KDM4C: variants seen among roughly 807,000 people sequenced by gnomAD.
KDM4C encodes the protein lysine-specific demethylase 4C.
In KDM4C, 81 loss-of-function variants were observed where a neutral mutation model predicts 129.3. The ratio of observed to expected loss-of-function variants is 0.63; its 90% CI spans 0.52 to 0.75. The LOEUF is 0.75. Among genes scored for constraint, KDM4C ranks in the 30% least tolerant of loss-of-function variants. The probability of loss-of-function intolerance (pLI) is 0.00; values close to 1 mark genes in which losing one functional copy is unlikely to be tolerated. For missense variants in KDM4C, 1,457 were observed against 1,304.0 expected (o/e 1.12, Z -1.81); for synonymous variants, 573 against 456.1 (o/e 1.26, Z -3.26).
At chr9:7,142,460 C>A (rs1841843867) in intron 19 of KDM4C, among the ~76,000 whole-genome samples, 2 of 152,144 alleles carry the variant, frequency 1.3e-5, no homozygotes, top group African/African-American at 2.4e-5. Flanking sequence ...CCCCTGGGCT[C>A]CCTCATCATG....
chr9:7,075,388 G>A (rs749440085), intron 17 of KDM4C, among the ~76,000 whole-genome samples: 7 of 152,112 alleles, frequency 4.6e-5, no homozygotes, highest in African/African-American at 7.2e-5. Flanking sequence ...TGGGGGGTGC[G>A]ACCTAGTGGA....
chr9:6,893,372 G>C (rs1167669102), intron 8 of KDM4C, 140 bp downstream of exon 8: 2 of 532,004 alleles, frequency 3.8e-6, no homozygotes, highest in East Asian at 3.3e-5. Context: ...TTCACTTCAG[G>C]CTCGATACAT....
intron 8 of KDM4C, among the ~76,000 whole-genome samples, chr9:6,975,272 C>G (rs1327826075): frequency 6.6e-6 from 1 of 152,178 alleles, no homozygotes; most frequent in Non-Finnish European, 1.5e-5. Context: ...ATCAACACAG[C>G]ATGATATCAT....
chr9:7,118,755 A>G (rs1472973671), intron 18 of KDM4C, among the ~76,000 whole-genome samples: 1 of 152,140 alleles, frequency 6.6e-6, no homozygotes, highest in Non-Finnish European at 1.5e-5. Flanking sequence ...TACATACATT[A>G]TTGCATTTGG....
intron 15 of KDM4C, among the ~76,000 whole-genome samples, chr9:7,034,237 T>C (rs1453869594): frequency 6.6e-6 from 1 of 152,156 alleles, no homozygotes; most frequent in Non-Finnish European, 1.5e-5. Context: ...CTCTAGCTAT[T>C]TGAAATTGTA....
chr9:6,814,508 A>G (rs1200767573), intron 3 of KDM4C, 123 bp from the exon 4 acceptor site: 6 of 554,458 alleles, frequency 1.1e-5, no homozygotes, highest in African/African-American at 1.9e-5. Flanking sequence ...GTTAGAATTG[A>G]CAACATGCAG....
intron 1 of KDM4C, among the ~76,000 whole-genome samples, chr9:6,747,409 G>A (rs549365736): frequency 7.9e-5 from 12 of 151,756 alleles, no homozygotes; most frequent in Non-Finnish European, 1.0e-4. Context: ...TTAGCTGGGC[G>A]TGGTGGTGGG....
chr9:6,813,135 G>A (rs902125232), intron 3 of KDM4C, among the ~76,000 whole-genome samples: 3 of 152,104 alleles, frequency 2.0e-5, no homozygotes, highest in South Asian at 2.1e-4. Flanking sequence ...AGATCGTGCC[G>A]CTGTACTCCA....
chr9:6,855,135 A>T (rs529594637), intron 5 of KDM4C, among the ~76,000 whole-genome samples: 3 of 152,324 alleles, frequency 2.0e-5, no homozygotes, highest in African/African-American at 7.2e-5. Context: ...TTAAACATGA[A>T]CTTCATAAAT....
intron 1 of KDM4C, among the ~76,000 whole-genome samples, chr9:6,781,108 A>G (rs1824245924): frequency 6.6e-6 from 1 of 152,110 alleles, no homozygotes; most frequent in Non-Finnish European, 1.5e-5. Context: ...GTGCCAGGCT[A>G]GTCAATTGTA....
At chr9:6,721,236 G>C (rs56261772) in intron 1 of KDM4C, 7,167 of 124,576 alleles carry the variant, frequency 0.058, 352 homozygotes, top group African/African-American at 0.19. Context: ...ACTATGCCTG[G>C]CTTTTTTTTT....
At chr9:6,949,100 C>G (rs1411222913) in intron 8 of KDM4C, among the ~76,000 whole-genome samples, 3 of 149,850 alleles carry the variant, frequency 2.0e-5, no homozygotes, top group Admixed American at 6.6e-5. Flanking sequence ...GGGCGGCTGG[C>G]CGGGTGGAGA....
chr9:6,841,668 G>C (rs891308586), intron 4 of KDM4C, among the ~76,000 whole-genome samples: 1 of 152,182 alleles, frequency 6.6e-6, no homozygotes. Context: ...ATCCAGGGCT[G>C]CTTCCACAGT....
At chr9:6,991,202 C>G (rs1383804168) in intron 12 of KDM4C, among the ~76,000 whole-genome samples, 1 of 151,954 alleles carries the variant, frequency 6.6e-6, no homozygotes, top group Non-Finnish European at 1.5e-5. Context: ...CCTCAGCCTC[C>G]CAAGCAGCTG....
chr9:7,011,567 G>T, intron 12 of KDM4C, 131 bp from the exon 13 acceptor site: 1 of 773,206 alleles, frequency 1.3e-6, no homozygotes, highest in East Asian at 2.6e-5. Flanking sequence ...GGATGTATTT[G>T]AAAGACAAAG....
intron 2 of KDM4C, among the ~76,000 whole-genome samples, chr9:6,803,100 A>T (rs927246111): frequency 6.6e-6 from 1 of 152,222 alleles, no homozygotes; most frequent in Non-Finnish European, 1.5e-5. Flanking sequence ...CTCTTGGGCA[A>T]TAGGGAAGAT....
chr9:6,838,181 T>G (rs10815470), intron 4 of KDM4C, among the ~76,000 whole-genome samples: 1 of 152,206 alleles, frequency 6.6e-6, no homozygotes, highest in Non-Finnish European at 1.5e-5. Flanking sequence ...TTGCTTGTCT[T>G]AGCAATTCCG....
At chr9:6,848,733 C>T (rs62535663) in intron 4 of KDM4C, among the ~76,000 whole-genome samples, 1 of 152,058 alleles carries the variant, frequency 6.6e-6, no homozygotes, top group Admixed American at 6.5e-5. Context: ...CACCTTAACT[C>T]TTATAGTAGT....
At chr9:7,034,836 T>TTG (rs1181566674) in intron 15 of KDM4C, among the ~76,000 whole-genome samples, 5 of 152,198 alleles carry the variant, frequency 3.3e-5, no homozygotes, top group African/African-American at 1.2e-4. Flanking sequence ...TTACCAGTAT[T>TTG]TGTTACTTTT....
Sources: gnomAD v4.1 joint callset for allele counts (sites outside exome capture counted in the v4.1 genomes callset) on GRCh38, gnomAD v4.1.1 for gene constraint, MANE v1.5 for transcripts, NCBI Gene and HGNC (gene_info 2026-07-23, HGNC 2026-07-21) for gene names.